ANOS1: variants seen among roughly 807,000 people sequenced by gnomAD.
ANOS1 encodes anosmin-1.
In ANOS1, 6 loss-of-function variants were observed where a neutral mutation model predicts 59.0. The observed-to-expected ratio is 0.10, with a 90% CI of 0.06 to 0.20. The LOEUF (loss-of-function observed/expected upper bound fraction) is 0.20. Ranked by LOEUF, ANOS1 falls within the 10% of genes least tolerant of loss-of-function variation. ANOS1 has a pLI of 1.00. For missense variants in ANOS1, 433 were observed against 542.3 expected (o/e 0.80, Z 2.00); for synonymous variants, 217 against 223.4 (o/e 0.97, Z 0.25).
Position 8,585,291 on chromosome X carries a change from T to C in ANOS1, c.832A>G (p.Ser278Gly). The stretch of plus-strand genomic sequence containing the variant: ...CCTTTGGAAGAACGGAAGTGTTTGC[T>C]GGGGGCAGTGAAGCCTCGAGTTCCA... ...VHGTRGFTAP[S>G]KHFRSSKDPS... The change falls in exon 6 of 14, where the codon AGC (serine) becomes GGC (glycine). Residue 278 changes from serine (S) to glycine (G), a missense_variant. Ser to Gly is a moderately conservative substitution (Grantham distance 56, BLOSUM62 0). Transcript: ENST00000262648. 1 of 1,210,970 alleles carries C rather than the reference T, an allele frequency of 8.3e-7. No homozygotes were observed. Among genetic ancestry groups the C allele is most frequent in the South Asian group, 1.8e-5 (1 of 56,931 alleles).
intron 4 of ANOS1, among the ~76,000 whole-genome samples, chrX:8,593,540 C>A (rs1278468385): frequency 8.9e-6 from 1 of 112,157 alleles, no homozygotes. Flanking sequence ...TTATACGCTT[C>A]AACTCTACAA....
intron 1 of ANOS1, among the ~76,000 whole-genome samples, chrX:8,728,709 G>C (rs1239472892): frequency 8.9e-6 from 1 of 112,449 alleles, no homozygotes; most frequent in East Asian, 2.8e-4. Context: ...AACATGCACT[G>C]TTTCTTTTCG....
intron 2 of ANOS1, among the ~76,000 whole-genome samples, chrX:8,624,140 C>T (rs1443000749): frequency 2.8e-5 from 3 of 106,761 alleles, no homozygotes; most frequent in Non-Finnish European, 5.8e-5. Context: ...CTCAGCCTCC[C>T]GAGTAGCTGG....
chrX:8,647,229 C>T (rs933564432), intron 2 of ANOS1, among the ~76,000 whole-genome samples: 1 of 110,471 alleles, frequency 9.1e-6, no homozygotes, highest in Non-Finnish European at 1.9e-5. Context: ...TGTGAAAGCC[C>T]GAAATGTCTC....
chrX:8,631,152 T>A (rs7883418), intron 2 of ANOS1, among the ~76,000 whole-genome samples: 11,248 of 111,555 alleles, frequency 0.1, 787 homozygotes, highest in South Asian at 0.25. Context: ...GTGTCCAGGG[T>A]ACGTACAAGG....
chrX:8,553,101 G>T (rs1266986577), intron 9 of ANOS1, among the ~76,000 whole-genome samples: 2 of 109,398 alleles, frequency 1.8e-5, no homozygotes, highest in African/African-American at 6.6e-5. Context: ...AATCTATTCT[G>T]CTTATGTTTT....
intron 3 of ANOS1, among the ~76,000 whole-genome samples, chrX:8,610,348 A>G (rs1329208143): frequency 8.9e-6 from 1 of 112,075 alleles, no homozygotes; most frequent in East Asian, 2.8e-4. Context: ...AAATGAGATG[A>G]GCTACAATTT....
At chrX:8,626,025 T>C (rs1931384812) in intron 2 of ANOS1, among the ~76,000 whole-genome samples, 1 of 102,895 alleles carries the variant, frequency 9.7e-6, no homozygotes, top group Admixed American at 1.1e-4. Context: ...GGCAGGAAAA[T>C]TGCTTGAACT....
At position 8,621,118 on chromosome X, in the gene ANOS1, C is replaced by A. The variant is rs188824166; in HGVS notation, c.318+2490G>T. 7.5e-3 allele frequency among the ~76,000 whole-genome samples: 833 copies of A among 111,459 alleles called. 10 individuals carry two copies. Among genetic ancestry groups the A allele is most frequent in the African/African-American group, 0.026 (793 of 30,655 alleles). On this transcript the variant is annotated intron_variant, in intron 3 of 13. Transcript: ENST00000262648. The stretch of plus-strand genomic sequence containing the variant: ...CAGTGGCTCATGCCTATAATACCAG[C>A]AATTTGGGAGGCCAAGGCAGGCGGA...
intron 1 of ANOS1, among the ~76,000 whole-genome samples, chrX:8,731,323 C>T (rs752746978): frequency 8.9e-6 from 1 of 111,959 alleles, no homozygotes; most frequent in South Asian, 3.7e-4. Context: ...GCTCTGAGCC[C>T]TCAGAGAGTG....
chrX:8,629,520 T>C (rs1025292444), intron 2 of ANOS1, among the ~76,000 whole-genome samples: 2 of 111,930 alleles, frequency 1.8e-5, no homozygotes, highest in Non-Finnish European at 3.8e-5. Flanking sequence ...TAAACTATGG[T>C]GCTCCCAGAT....
intron 6 of ANOS1, among the ~76,000 whole-genome samples, chrX:8,582,934 A>T (rs1028024754): frequency 8.9e-6 from 1 of 111,868 alleles, no homozygotes; most frequent in Non-Finnish European, 1.9e-5. Flanking sequence ...GAAAATGTTT[A>T]GAGTGGAGAA....
intron 3 of ANOS1, 103 bp from the exon 4 acceptor site, chrX:8,597,359 T>C (rs1930758684): frequency 2.9e-6 from 2 of 690,087 alleles, no homozygotes; most frequent in Non-Finnish European, 4.4e-6. Context: ...CACCAAACCT[T>C]TGTTTGAATA....
At chrX:8,615,998 A>G (rs1931167470) in intron 3 of ANOS1, among the ~76,000 whole-genome samples, 1 of 109,300 alleles carries the variant, frequency 9.1e-6, no homozygotes, top group African/African-American at 3.3e-5. Context: ...ATGTTTGATT[A>G]CCTTGTTCAC....
intron 2 of ANOS1, among the ~76,000 whole-genome samples, chrX:8,629,187 T>C (rs1464859233): frequency 9.0e-6 from 1 of 111,118 alleles, no homozygotes; most frequent in African/African-American, 3.3e-5. Flanking sequence ...AGTTTGAGAC[T>C]GCAGAATGCA....
At position 8,661,729 on chromosome X, in the gene ANOS1, G is replaced by A. The variant is rs370810368; in HGVS notation, c.255+37969C>T. On this transcript the variant is annotated intron_variant, in intron 2 of 13. Coordinates refer to ENST00000262648, the MANE Select transcript of ANOS1 (RefSeq NM_000216.4). ...ACCACCTTCCCCATGACCCCCATGT[G>A]GTCCTTGCCCCCTGATGGTCCTGGG... 6.8e-5 allele frequency among the ~76,000 whole-genome samples: 7 copies of A among 103,106 alleles called. 1 individual carries two copies. The East Asian group carries it at 2.1e-3, about 30-fold the overall frequency. 89.5% of individuals were successfully genotyped at this position (103,106 alleles called of 115,157 possible). A position where few individuals can be genotyped will look rare whatever the true frequency, so the allele number is the denominator to read the frequency against.
chrX:8,667,132 T>C (rs933679117), intron 2 of ANOS1, among the ~76,000 whole-genome samples: 4 of 111,586 alleles, frequency 3.6e-5, no homozygotes, highest in Non-Finnish European at 5.6e-5. Context: ...TCCCATCAGG[T>C]GCTCAGAGCT....
intron 11 of ANOS1, among the ~76,000 whole-genome samples, chrX:8,536,505 C>T (rs1216481462): frequency 1.8e-5 from 2 of 110,715 alleles, no homozygotes; most frequent in East Asian, 2.8e-4. Context: ...TCAAACTTTC[C>T]CAAAACACAA....
intron 2 of ANOS1, among the ~76,000 whole-genome samples, chrX:8,664,238 C>T (rs191162454): frequency 4.6e-4 from 51 of 111,824 alleles, no homozygotes; most frequent in Admixed American, 1.5e-3. Flanking sequence ...TCGCCCAGGC[C>T]GGAGTGCAGT....
Sources: gnomAD v4.1 joint callset for allele counts (sites outside exome capture counted in the v4.1 genomes callset) on GRCh38, gnomAD v4.1.1 for gene constraint, MANE v1.5 for transcripts, NCBI Gene and HGNC (gene_info 2026-07-23, HGNC 2026-07-21) for gene names.